IQCJ: variants seen among roughly 807,000 people sequenced by gnomAD.
IQCJ encodes the protein IQ domain-containing protein J.
In IQCJ, 9 loss-of-function variants were observed where a neutral mutation model predicts 11.0. That is an observed-to-expected ratio of 0.82 (90% CI 0.49 to 1.43). IQCJ has a LOEUF of 1.43. IQCJ is among the 40% of genes most tolerant of loss of function. IQCJ has a pLI of 0.00. For synonymous variants in IQCJ, 55 were observed against 51.3 expected, an observed-to-expected ratio of 1.07 and a Z score of -0.31; for missense variants, 146 against 133.2, an observed-to-expected ratio of 1.10 and a Z score of -0.47.
At chr3:159,208,562 A>G (rs1020847024) in intron 1 of IQCJ, among the ~76,000 whole-genome samples, 4 of 152,206 alleles carry the variant, frequency 2.6e-5, no homozygotes, top group African/African-American at 9.6e-5. Context: ...TTCTTAAATA[A>G]TGGACTGAGG....
intron 1 of IQCJ, among the ~76,000 whole-genome samples, chr3:159,089,905 C>G (rs1717113341): frequency 6.6e-6 from 1 of 151,816 alleles, no homozygotes; most frequent in Admixed American, 6.5e-5. Context: ...CATCTGAAGC[C>G]TTCTTCTCTC....
chr3:159,195,221 A>T (rs778684361), intron 1 of IQCJ, among the ~76,000 whole-genome samples: 1 of 152,154 alleles, frequency 6.6e-6, no homozygotes, highest in Non-Finnish European at 1.5e-5. Flanking sequence ...CCAGTCCTAC[A>T]TACTGTGCTG....
intron 1 of IQCJ, among the ~76,000 whole-genome samples, chr3:159,204,588 A>G (rs886953581): frequency 2.6e-5 from 4 of 152,224 alleles, no homozygotes; most frequent in Admixed American, 1.3e-4. Flanking sequence ...ATGCAGCATC[A>G]CTTCAGCTAT....
intron 1 of IQCJ, among the ~76,000 whole-genome samples, chr3:159,096,253 T>C (rs1211695027): frequency 6.1e-5 from 9 of 147,766 alleles, no homozygotes; most frequent in Non-Finnish European, 6.0e-5. Context: ...TCATTGTAGA[T>C]TCTGGATATT....
intron 1 of IQCJ, among the ~76,000 whole-genome samples, chr3:159,178,716 T>A (rs186146585): frequency 2.6e-5 from 4 of 152,308 alleles, no homozygotes; most frequent in African/African-American, 9.6e-5. Context: ...TAGCATTTAA[T>A]AGCTTTAGAG....
chr3:159,140,975 C>T (rs1003063459), intron 1 of IQCJ, among the ~76,000 whole-genome samples: 1 of 152,162 alleles, frequency 6.6e-6, no homozygotes, highest in Non-Finnish European at 1.5e-5. Context: ...TACTTCACCT[C>T]TCAAGACTGC....
At chr3:159,252,284 G>C (rs780284841) in intron 2 of IQCJ, among the ~76,000 whole-genome samples, 5 of 152,176 alleles carry the variant, frequency 3.3e-5, no homozygotes, top group Non-Finnish European at 5.9e-5. Context: ...TTTGTTCCCA[G>C]TGGAAGCCCT....
At chr3:159,071,055 G>C (rs1262092257) in intron 1 of IQCJ, among the ~76,000 whole-genome samples, 3 of 151,912 alleles carry the variant, frequency 2.0e-5, no homozygotes, top group African/African-American at 4.8e-5. Flanking sequence ...ATTAAGGTCA[G>C]TGTGAAAGCT....
At chr3:159,101,358 G>C (rs147203456) in intron 1 of IQCJ, among the ~76,000 whole-genome samples, 1 of 152,050 alleles carries the variant, frequency 6.6e-6, no homozygotes, top group Non-Finnish European at 1.5e-5. Flanking sequence ...GCTGTAGACC[G>C]GAGCTGTTCC....
At chr3:159,140,287 T>C (rs1354042234) in intron 1 of IQCJ, among the ~76,000 whole-genome samples, 4 of 152,190 alleles carry the variant, frequency 2.6e-5, no homozygotes, top group African/African-American at 4.8e-5. Context: ...AATTTTTAAA[T>C]AGCAATGATA....
At chr3:159,128,974 A>G (rs535957368) in intron 1 of IQCJ, among the ~76,000 whole-genome samples, 60 of 151,984 alleles carry the variant, frequency 3.9e-4, no homozygotes, top group Non-Finnish European at 5.4e-4. Flanking sequence ...TTTTATCCCT[A>G]TCTCTGTTTG....
intron 1 of IQCJ, among the ~76,000 whole-genome samples, chr3:159,164,680 A>T (rs1015622520): frequency 7.2e-5 from 11 of 152,198 alleles, no homozygotes; most frequent in African/African-American, 2.4e-4. Flanking sequence ...AGGCAGGAGA[A>T]TCGCTTGAAC....
chr3:159,124,351 T>G (rs1719550750), intron 1 of IQCJ, among the ~76,000 whole-genome samples: 1 of 152,214 alleles, frequency 6.6e-6, no homozygotes, highest in Non-Finnish European at 1.5e-5. Context: ...AGGTCACTCC[T>G]TGCTTGGCTG....
At chr3:159,219,882 T>C (rs1210212982) in intron 1 of IQCJ, among the ~76,000 whole-genome samples, 1 of 152,122 alleles carries the variant, frequency 6.6e-6, no homozygotes, top group Non-Finnish European at 1.5e-5. Flanking sequence ...GACAAGGCCC[T>C]GGGTGAGTGA....
Position 159,263,501 on chromosome 3 carries a change from G to A in IQCJ, c.*770G>A, listed in dbSNP as rs1278386906. 1 of 984,444 alleles carries A rather than the reference G, an allele frequency of 1.0e-6. No individual in the cohort carries two copies. Among genetic ancestry groups the A allele is most frequent in the African/African-American group, 1.7e-5 (1 of 57,202 alleles). 61.0% of individuals were successfully genotyped at this position (984,444 alleles called of 1,614,324 possible). A position where few individuals can be genotyped will look rare whatever the true frequency, so the allele number is the denominator to read the frequency against. On this transcript the variant is annotated 3_prime_UTR_variant, in exon 4 of 4. Transcript: ENST00000397832. ...TCAGTGATGAGGGATTTATGAACCA[G>A]GATTTTGTGGATTTAAGCATTGTGA...
At position 159,150,659 on chromosome 3, in the gene IQCJ, G is replaced by A. The variant is rs372103099; in HGVS notation, c.9+81218G>A. 2.6e-5 allele frequency among the ~76,000 whole-genome samples: 4 copies of A among 152,016 alleles called. No individual in the cohort carries two copies. In the East Asian group the frequency reaches 7.7e-4, roughly 29 times the overall value. On this transcript the variant is annotated intron_variant, in intron 1 of 3. Coordinates refer to ENST00000397832, the MANE Select transcript of IQCJ (RefSeq NM_001042706.3). ...TTCTGTAGGTTGAGGGTAAGAAACTGCTTGTCCATTTCTGTACCCTTTGTG... is the reference window on the plus strand; with the variant it reads ...TTCTGTAGGTTGAGGGTAAGAAACTACTTGTCCATTTCTGTACCCTTTGTG...
At chr3:159,233,667 G>A (rs1189286134) in intron 1 of IQCJ, among the ~76,000 whole-genome samples, 1 of 152,114 alleles carries the variant, frequency 6.6e-6, no homozygotes, top group African/African-American at 2.4e-5. Context: ...GAGGCTCAAA[G>A]GAGTCACACA....
chr3:159,168,358 A>G (rs1722293782), intron 1 of IQCJ, among the ~76,000 whole-genome samples: 1 of 152,228 alleles, frequency 6.6e-6, no homozygotes, highest in East Asian at 1.9e-4. Flanking sequence ...TCCTGCAGCA[A>G]AAATACTGTG....
chr3:159,092,511 A>G (rs1717389195), intron 1 of IQCJ, among the ~76,000 whole-genome samples: 1 of 151,774 alleles, frequency 6.6e-6, no homozygotes, highest in South Asian at 2.1e-4. Context: ...AATCCTGGCT[A>G]ACACGGTGAA....
Sources: gnomAD v4.1 joint callset for allele counts (sites outside exome capture counted in the v4.1 genomes callset) on GRCh38, gnomAD v4.1.1 for gene constraint, MANE v1.5 for transcripts, NCBI Gene and HGNC (gene_info 2026-07-23, HGNC 2026-07-21) for gene names.